WAPL: variants seen among roughly 807,000 people sequenced by gnomAD.
WAPL encodes wings apart-like protein homolog.
In WAPL, 5 loss-of-function variants were observed where a neutral mutation model predicts 121.0. That is an observed-to-expected ratio of 0.04 (90% CI 0.02 to 0.09). The LOEUF (loss-of-function observed/expected upper bound fraction) is 0.09, where lower values mean the gene tolerates loss of function less well. Ranked by LOEUF, WAPL falls within the 10% of genes least tolerant of loss-of-function variation. The probability of loss-of-function intolerance (pLI) is 1.00; values close to 1 mark genes in which losing one functional copy is unlikely to be tolerated. For synonymous variants in WAPL, 480 were observed against 481.5 expected (o/e 1.00, Z 0.04); for missense variants, 999 against 1,410.8 (o/e 0.71, Z 4.68).
rs953081221 is a variant in WAPL, at chr10:86,453,127, T to TAA, written c.2949+91_2949+92dup. On this transcript the variant is annotated intron_variant, in intron 14 of 18. Coordinates refer to ENST00000298767, the MANE Select transcript of WAPL (RefSeq NM_015045.5). ...TCATGAAAAAAAACCCACAATATAT[T>TAA]AAAGGGTTGGTTCTTAAACCCAAAC... The TAA allele has an allele frequency of 1.1e-4, 92 of 832,380 alleles. No individual in the cohort carries two copies. In the African/African-American group the frequency reaches 1.2e-3, roughly 11 times the overall value. 51.6% of individuals were successfully genotyped at this position (832,380 alleles called of 1,614,324 possible).
rs143768312 is a variant in WAPL, at chr10:86,483,169, C to G, written c.1645-9196G>C. On this transcript the variant is annotated intron_variant, in intron 4 of 18. Transcript: ENST00000298767. ...GGTGCGGTGGCTCACGCCTGTAATC[C>G]TAGCATTTTGGGAGGCCGAGGTGGG... Among the ~76,000 whole-genome samples, 417 of 152,214 alleles carry G rather than the reference C, an allele frequency of 2.7e-3. 1 individual carries two copies. Among genetic ancestry groups the G allele is most frequent in the African/African-American group, 9.6e-3 (397 of 41,548 alleles).
chr10:86,449,860 T>G (rs1402435859), intron 15 of WAPL, among the ~76,000 whole-genome samples: 1 of 152,174 alleles, frequency 6.6e-6, no homozygotes, highest in Non-Finnish European at 1.5e-5. Context: ...GGAGGGCAGG[T>G]AGGCTGTACA....
chr10:86,457,917 T>G (rs2132179156), intron 12 of WAPL, among the ~76,000 whole-genome samples: 1 of 152,332 alleles, frequency 6.6e-6, no homozygotes, highest in East Asian at 1.9e-4. Context: ...AAATAATATC[T>G]GGATCTGTTT....
chr10:86,517,185 T>C (rs932045708), intron 2 of WAPL, among the ~76,000 whole-genome samples: 1 of 152,216 alleles, frequency 6.6e-6, no homozygotes, highest in African/African-American at 2.4e-5. Flanking sequence ...GAGTCTACCA[T>C]TGGTAACTAA....
chr10:86,437,904 A>G lies in WAPL; in HGVS notation c.3507+16T>C. The G allele has an allele frequency of 6.4e-7, 1 of 1,555,978 alleles. No individual in the cohort carries two copies. The highest frequency in any genetic ancestry group is 8.9e-7 in the Non-Finnish European group (1 of 1,128,416). On this transcript the variant is annotated intron_variant, in intron 18 of 18. Transcript: ENST00000298767. ...ATAAATTTAAAATCATATAAGCTGT[A>G]ATAAAAGCTACTTACAGTGAGATTC...
chr10:86,438,074 G>T, intron 17 of WAPL, 59 bp from the exon 18 acceptor site: 1 of 1,278,504 alleles, frequency 7.8e-7, no homozygotes, highest in East Asian at 2.3e-5. Context: ...ATTGCACCTC[G>T]TACAATGTTG....
At chr10:86,473,832 T>C in intron 5 of WAPL, 46 bp downstream of exon 5, 1 of 1,419,964 alleles carries the variant, frequency 7.0e-7, no homozygotes, top group Middle Eastern at 1.8e-4. Flanking sequence ...CTGCTTAATT[T>C]ATAGCTTATT....
In WAPL at chr10:86,460,379, A is replaced by G. The variant is rs1045764155; in HGVS notation, c.2580+20T>C. 5 of 1,607,440 alleles carry G rather than the reference A, an allele frequency of 3.1e-6. No individual in the cohort carries two copies. The highest frequency in any genetic ancestry group is 4.3e-6 in the Non-Finnish European group (5 of 1,175,222). Reference sequence around the variant, plus strand: ...CAATTAAGACTGAATAATTTTTGCCAAATAGTCATCCATACTTACACTTTC... The same window carrying G: ...CAATTAAGACTGAATAATTTTTGCCGAATAGTCATCCATACTTACACTTTC... On this transcript the variant is annotated intron_variant, in intron 11 of 18. Coordinates refer to ENST00000298767, the MANE Select transcript of WAPL (RefSeq NM_015045.5).
At chr10:86,470,092 G>A (rs113040031) in intron 8 of WAPL, among the ~76,000 whole-genome samples, 3,005 of 151,854 alleles carry the variant, frequency 0.02, 111 homozygotes, top group African/African-American at 0.068. Flanking sequence ...GAGTGCAGTG[G>A]CACAACCTCA....
chr10:86,490,182 C>T (rs1842015455), intron 4 of WAPL, among the ~76,000 whole-genome samples: 1 of 151,822 alleles, frequency 6.6e-6, no homozygotes, highest in Non-Finnish European at 1.5e-5. Context: ...TCGCCACACT[C>T]CAGCCTGGGG....
intron 4 of WAPL, among the ~76,000 whole-genome samples, chr10:86,489,146 G>A (rs1173815975): frequency 6.6e-6 from 1 of 152,194 alleles, no homozygotes; most frequent in East Asian, 1.9e-4. Context: ...CTCCGCCAAA[G>A]ATGTAAAAAC....
chr10:86,453,917 C>T (rs1225570643), intron 12 of WAPL, 86 bp from the exon 13 acceptor site: 2 of 1,170,534 alleles, frequency 1.7e-6, no homozygotes, highest in Non-Finnish European at 2.2e-6. Context: ...TAAAGGCTAT[C>T]GGATGAAATT....
intron 14 of WAPL, among the ~76,000 whole-genome samples, chr10:86,452,642 C>T (rs766942131): frequency 5.3e-5 from 8 of 151,752 alleles, no homozygotes; most frequent in Middle Eastern, 3.2e-3. Flanking sequence ...AAAAAACCAC[C>T]GATTTTCCCA....
At chr10:86,507,184 A>G (rs1481668002) in intron 2 of WAPL, among the ~76,000 whole-genome samples, 3 of 151,630 alleles carry the variant, frequency 2.0e-5, no homozygotes, top group East Asian at 1.9e-4. Flanking sequence ...CCTGGCCAAT[A>G]TAGTGAAACC....
At chr10:86,481,127 T>C (rs1359400963) in intron 4 of WAPL, among the ~76,000 whole-genome samples, 1 of 152,186 alleles carries the variant, frequency 6.6e-6, no homozygotes, top group African/African-American at 2.4e-5. Flanking sequence ...CAATACTGGA[T>C]GTGGGTAAAC....
At chr10:86,468,944 T>C (rs963604567) in intron 8 of WAPL, among the ~76,000 whole-genome samples, 1 of 151,536 alleles carries the variant, frequency 6.6e-6, no homozygotes, top group Non-Finnish European at 1.5e-5. Context: ...CTACTAAAAA[T>C]ACAAAAAAAA....
chr10:86,452,660 A>T (rs1387822830), intron 14 of WAPL, among the ~76,000 whole-genome samples: 1 of 152,156 alleles, frequency 6.6e-6, no homozygotes, highest in Admixed American at 6.5e-5. Flanking sequence ...CCAAAGAATC[A>T]TTCCTTTTAT....
intron 4 of WAPL, among the ~76,000 whole-genome samples, chr10:86,476,411 G>A (rs754187082): frequency 6.6e-6 from 1 of 150,772 alleles, no homozygotes; most frequent in South Asian, 2.1e-4. Flanking sequence ...ATGTGCTGTC[G>A]GGTGTGGTGG....
chr10:86,479,600 G>A (rs1277588481), intron 4 of WAPL, among the ~76,000 whole-genome samples: 1 of 152,194 alleles, frequency 6.6e-6, no homozygotes, highest in East Asian at 1.9e-4. Context: ...TGAACAAGAA[G>A]AGCAAATTTA....
Sources: gnomAD v4.1 joint callset for allele counts (sites outside exome capture counted in the v4.1 genomes callset) on GRCh38, gnomAD v4.1.1 for gene constraint, MANE v1.5 for transcripts, NCBI Gene and HGNC (gene_info 2026-07-23, HGNC 2026-07-21) for gene names.